ZNF540: variants seen among roughly 807,000 people sequenced by gnomAD.
ZNF540 encodes zinc finger protein 540.
ZNF540 carries 3 observed loss-of-function variants against 11.8 expected under a neutral mutation model. The observed-to-expected ratio is 0.25, with a 90% CI of 0.12 to 0.65. The LOEUF (loss-of-function observed/expected upper bound fraction) is 0.65, where lower values mean the gene tolerates loss of function less well. Among genes scored for constraint, ZNF540 ranks in the 30% least tolerant of loss-of-function variants. The probability of loss-of-function intolerance (pLI) is 0.83; values close to 1 mark genes in which losing one functional copy is unlikely to be tolerated. For synonymous variants in ZNF540, 247 were observed against 259.0 expected (o/e 0.95, Z 0.45); for missense variants, 709 against 793.1 (o/e 0.89, Z 1.27).
intron 1 of ZNF540, among the ~76,000 whole-genome samples, chr19:37,559,305 GATCT>G (rs143758257): frequency 2.1e-3 from 316 of 152,294 alleles, no homozygotes; most frequent in African/African-American, 7.2e-3. Flanking sequence ...AATTGGGCAT[GATCT>G]ATTAAAATTT....
Position 37,586,381 on chromosome 19 carries a change from C to T in ZNF540, c.-72-11995C>T, listed in dbSNP as rs1463553406. 5 of 453,302 alleles carry T rather than the reference C, an allele frequency of 1.1e-5. No individual in the cohort carries two copies. In the East Asian group the frequency reaches 1.9e-4, roughly 18 times the overall value. 28.1% of individuals were successfully genotyped at this position (453,302 alleles called of 1,614,324 possible). On this transcript the variant is annotated intron_variant, in intron 1 of 4. Transcript: ENST00000592533. The stretch of plus-strand genomic sequence containing the variant: ...CACCAAACCGTGGTACTAATGTGTA[C>T]CAATCTTAAAAGGAGGTATTTCTGT...
In ZNF540 at chr19:37,613,373, T is replaced by G. The variant is rs2044148834; in HGVS notation, c.*110T>G. The G allele has an allele frequency of 3.9e-6, 3 of 776,270 alleles. No individual in the cohort carries two copies. Among genetic ancestry groups the G allele is most frequent in the Non-Finnish European group, 1.9e-6 (1 of 531,018 alleles). The allele number at this position is 776,270 out of a possible 1,614,324, so 48.1% of individuals were successfully genotyped here. A position where few individuals can be genotyped will look rare whatever the true frequency, so the allele number is the denominator to read the frequency against. Reference sequence around the variant, plus strand: ...TTTTTACACATATTAACTTAATAAATGTATGAGTCTTAAATACCTCTTAGT... The same window carrying G: ...TTTTTACACATATTAACTTAATAAAGGTATGAGTCTTAAATACCTCTTAGT... On this transcript the variant is annotated 3_prime_UTR_variant, in exon 5 of 5. Transcript: ENST00000316433.
chr19:37,601,844 GAGTA>G (rs780936480), intron 4 of ZNF540, among the ~76,000 whole-genome samples: 98 of 152,220 alleles, frequency 6.4e-4, no homozygotes, highest in Non-Finnish European at 1.2e-3. Context: ...GAGTGGGGAA[GAGTA>G]ACTAAATATG....
chr19:37,557,432 T>C (rs1217527809), intron 1 of ZNF540, among the ~76,000 whole-genome samples: 1 of 152,192 alleles, frequency 6.6e-6, no homozygotes, highest in Non-Finnish European at 1.5e-5. Context: ...TTAACGTTAA[T>C]ATCCTTACCC....
Position 37,612,815 on chromosome 19 carries a change from AACACCAGAGAATTC to A in ZNF540, c.1540_1553del (p.Gln514TrpfsTer2). The A allele has an allele frequency of 6.2e-7, 1 of 1,614,064 alleles. No individual in the cohort carries two copies. The highest frequency in any genetic ancestry group is 8.5e-7 in the Non-Finnish European group (1 of 1,180,004). On this transcript the variant is annotated frameshift_variant, in exon 5 of 5. Coordinates refer to ENST00000316433, the MANE Select transcript of ZNF540 (RefSeq NM_001172225.3). LOFTEE classifies it low-confidence loss of function (END_TRUNC). ...TTTAGATTTGGTTTCTACCTTACTGAACACCAGAGAATTCACACTGGTGAAAAGCCCTATAAATG... is the reference window on the plus strand; with the variant it reads ...TTTAGATTTGGTTTCTACCTTACTGAACACTGGTGAAAAGCCCTATAAATG...
rs960731672 is a variant in ZNF540 at position 37,613,801 on chromosome 19, G to T, written c.*538G>T. 1 of 398,500 alleles carries T rather than the reference G, an allele frequency of 2.5e-6. No individual in the cohort carries two copies. Among genetic ancestry groups the T allele is most frequent in the African/African-American group, 2.1e-5 (1 of 48,618 alleles). The allele number at this position is 398,500 out of a possible 1,614,324, so 24.7% of individuals were successfully genotyped here. A position where few individuals can be genotyped will look rare whatever the true frequency, so the allele number is the denominator to read the frequency against. ...AAAATCTGTTATGGGCTGAATGTTT[G>T]TGTTCCCGTAACAATTCCTATGTTG... is the stretch of plus-strand genomic sequence containing the variant. On this transcript the variant is annotated 3_prime_UTR_variant, in exon 5 of 5. Transcript: ENST00000316433.
chr19:37,589,308 G>A (rs371627195), intron 1 of ZNF540, among the ~76,000 whole-genome samples: 10 of 150,814 alleles, frequency 6.6e-5, no homozygotes, highest in Non-Finnish European at 1.2e-4. Context: ...ATGAATAAAT[G>A]TTCCTACATT....
At chr19:37,590,588 A>G (rs75160150), upstream of ZNF540, among the ~76,000 whole-genome samples, 1,430 of 152,296 alleles carry the variant, frequency 9.4e-3, 13 homozygotes, top group Non-Finnish European at 0.015. Flanking sequence ...ATAATTATAG[A>G]TAAAGGAAAA....
At chr19:37,562,617 C>T (rs1217924144) in intron 1 of ZNF540, 1 of 152,204 alleles carries the variant, frequency 6.6e-6, no homozygotes, top group Non-Finnish European at 1.5e-5. Flanking sequence ...ACTCACTGAA[C>T]ACCATTAACC....
At chr19:37,565,385 G>C (rs2042817473) in intron 1 of ZNF540, 2 of 1,613,646 alleles carry the variant, frequency 1.2e-6, no homozygotes, top group South Asian at 1.1e-5. Flanking sequence ...ATTCAGTTGG[G>C]AGGCACATAA....
At chr19:37,568,630 C>CT (rs2042949782) in intron 1 of ZNF540, among the ~76,000 whole-genome samples, 1 of 152,072 alleles carries the variant, frequency 6.6e-6, no homozygotes, top group African/African-American at 2.4e-5. Flanking sequence ...AAACAGAAAT[C>CT]TAGAGGAATA....
At chr19:37,597,826 T>G (rs1335030956) in intron 1 of ZNF540, among the ~76,000 whole-genome samples, 1 of 152,270 alleles carries the variant, frequency 6.6e-6, no homozygotes, top group African/African-American at 2.4e-5. Context: ...GGTAGCTTTC[T>G]GAAAGTAGCC....
chr19:37,577,688 G>C (rs1442435421), intron 1 of ZNF540, among the ~76,000 whole-genome samples: 1 of 152,112 alleles, frequency 6.6e-6, no homozygotes, highest in Non-Finnish European at 1.5e-5. Flanking sequence ...GTGATAGCCG[G>C]CTATTCAGAA....
At chr19:37,564,842 G>T in intron 1 of ZNF540, 4 of 1,614,012 alleles carry the variant, frequency 2.5e-6, no homozygotes, top group Admixed American at 1.7e-5. Flanking sequence ...ACATTCATAA[G>T]GTTTTTCACC....
At chr19:37,560,051 TG>T (rs2042700641) in intron 1 of ZNF540, among the ~76,000 whole-genome samples, 1 of 151,886 alleles carries the variant, frequency 6.6e-6, no homozygotes, top group Non-Finnish European at 1.5e-5. Context: ...CCAAGGCGAG[TG>T]GATCACTTGA....
intron 4 of ZNF540, among the ~76,000 whole-genome samples, chr19:37,602,747 G>C (rs2044049574): frequency 6.6e-6 from 1 of 152,154 alleles, no homozygotes; most frequent in Non-Finnish European, 1.5e-5. Context: ...GTGGAAGGGA[G>C]TAGTCATCTG....
At chr19:37,603,253 C>A (rs1465519194) in intron 4 of ZNF540, among the ~76,000 whole-genome samples, 1 of 152,120 alleles carries the variant, frequency 6.6e-6, no homozygotes, top group Non-Finnish European at 1.5e-5. Flanking sequence ...ATGATCCACC[C>A]ATCTTGGCCT....
At position 37,613,856 on chromosome 19, in the gene ZNF540, A is replaced by C. The variant is rs925490525; in HGVS notation, c.*593A>C. Reference sequence around the variant, plus strand: ...ACGAATCCCAAGGTGATGGTATTTGAAGGTAGGGCCTTTAGGAGGAAATTA... The same window carrying C: ...ACGAATCCCAAGGTGATGGTATTTGCAGGTAGGGCCTTTAGGAGGAAATTA... On this transcript the variant is annotated 3_prime_UTR_variant, in exon 5 of 5. Transcript: ENST00000316433. 2.5e-6 allele frequency: 1 copy of C among 398,500 alleles called. No homozygotes were observed. Among genetic ancestry groups the C allele is most frequent in the African/African-American group, 2.1e-5 (1 of 48,622 alleles). The allele number at this position is 398,500 out of a possible 1,614,324, so 24.7% of individuals were successfully genotyped here. A position where few individuals can be genotyped will look rare whatever the true frequency, so the allele number is the denominator to read the frequency against.
intron 4 of ZNF540, among the ~76,000 whole-genome samples, chr19:37,604,296 CTTTTTTTTT>C (rs769163050): frequency 3.3e-4 from 25 of 75,276 alleles, no homozygotes; most frequent in East Asian, 1.0e-3. Flanking sequence ...AATAGCCTTA[CTTTTTTTTT>C]TTTTTTTTTT....
Sources: gnomAD v4.1 joint callset for allele counts (sites outside exome capture counted in the v4.1 genomes callset) on GRCh38, gnomAD v4.1.1 for gene constraint, MANE v1.5 for transcripts, NCBI Gene and HGNC (gene_info 2026-07-23, HGNC 2026-07-21) for gene names.